Variants in ATP9B observed in about 807,000 individuals in gnomAD.
ATP9B encodes probable phospholipid-transporting ATPase IIB.
A neutral mutation model predicts 146.1 loss-of-function variants in ATP9B; 110 were observed. The ratio of observed to expected loss-of-function variants is 0.75; its 90% CI spans 0.65 to 0.88. ATP9B has a LOEUF of 0.88. ATP9B is among the 40% of genes least tolerant of loss of function. The pLI is 0.00. For missense variants in ATP9B, 1,499 were observed against 1,496.4 expected (o/e 1.00, Z -0.03); for synonymous variants, 604 against 569.7 (o/e 1.06, Z -0.86).
intron 25 of ATP9B, among the ~76,000 whole-genome samples, chr18:79,348,883 C>G (rs2096907143): frequency 6.6e-6 from 1 of 152,236 alleles, no homozygotes; most frequent in Non-Finnish European, 1.5e-5. Flanking sequence ...ACTCAGGAGA[C>G]TGAGGCACGA....
intron 12 of ATP9B, among the ~76,000 whole-genome samples, chr18:79,264,351 T>C (rs550147201): frequency 5.9e-5 from 9 of 152,352 alleles, no homozygotes; most frequent in African/African-American, 2.2e-4. Context: ...TTTTCTCTTT[T>C]GTGAACTTTC....
chr18:79,161,179 A>G (rs2094875163), intron 7 of ATP9B, among the ~76,000 whole-genome samples: 1 of 148,688 alleles, frequency 6.7e-6, no homozygotes, highest in Non-Finnish European at 1.5e-5. Flanking sequence ...ACATGACTCA[A>G]ATGAGATAAT....
intron 7 of ATP9B, among the ~76,000 whole-genome samples, chr18:79,157,419 A>AAAAAAAAAAC (rs2094810423): frequency 1.3e-5 from 2 of 148,786 alleles, no homozygotes; most frequent in Non-Finnish European, 3.0e-5. Context: ...AAAAAAAAAA[A>AAAAAAAAAAC]AAAAACATGT....
chr18:79,341,192 A>G (rs1254582274), intron 19 of ATP9B, among the ~76,000 whole-genome samples: 3 of 150,070 alleles, frequency 2.0e-5, no homozygotes, highest in Non-Finnish European at 4.4e-5. Flanking sequence ...TTGTGGTTGG[A>G]TGTGTGTAGC....
chr18:79,334,601 A>C (rs1234893189), intron 17 of ATP9B, among the ~76,000 whole-genome samples: 1 of 151,680 alleles, frequency 6.6e-6, no homozygotes, highest in African/African-American at 2.4e-5. Flanking sequence ...TTGTCTCCTG[A>C]CAGCCCCGAC....
At chr18:79,192,650 A>G (rs2095379107) in intron 8 of ATP9B, among the ~76,000 whole-genome samples, 1 of 152,150 alleles carries the variant, frequency 6.6e-6, no homozygotes, top group African/African-American at 2.4e-5. Flanking sequence ...TTCCCATGTG[A>G]TTGTATAAGT....
chr18:79,238,560 T>C (rs2095862790), intron 11 of ATP9B, among the ~76,000 whole-genome samples: 1 of 152,062 alleles, frequency 6.6e-6, no homozygotes, highest in South Asian at 2.1e-4. Context: ...GCTCTTAAGG[T>C]GGTCATCGCG....
At position 79,347,674 on chromosome 18, in the gene ATP9B, C is replaced by G; in HGVS notation, c.2683-96C>G. The stretch of plus-strand genomic sequence containing the variant: ...CAAGTTCTGCAGAGAGAATTTCGGT[C>G]TTTGTAACATTTAGGCTGAGTTCTA... On this transcript the variant is annotated intron_variant, in intron 23 of 29. Coordinates refer to ENST00000426216, the MANE Select transcript of ATP9B (RefSeq NM_198531.5). 2.2e-6 allele frequency: 3 copies of G among 1,382,598 alleles called. No individual in the cohort carries two copies. The South Asian group carries it at 5.3e-5, about 24-fold the overall frequency. The allele number at this position is 1,382,598 out of a possible 1,614,324, so 85.6% of individuals were successfully genotyped here.
In ATP9B at chr18:79,239,513, G is replaced by A. The variant is rs144774335; in HGVS notation, c.1108-13868G>A. On this transcript the variant is annotated intron_variant, in intron 11 of 29. Transcript: ENST00000426216. This position sits in a 1 kb window ranked among gnomAD's most constrained non-coding sequence, Gnocchi z 5.1. ...CAGGGACGTAGGACGATGGTGTCAC[G>A]GCACTTAAAATTGTCTTCAGAGGAT... is the stretch of plus-strand genomic sequence containing the variant. Among the ~76,000 whole-genome samples the A allele has an allele frequency of 4.1e-3, 626 of 152,180 alleles. 4 individuals carry two copies. Among genetic ancestry groups the A allele is most frequent in the African/African-American group, 0.014 (580 of 41,518 alleles).
At position 79,121,639 on chromosome 18, in the gene ATP9B, A is replaced by G. The variant is rs116485883; in HGVS notation, c.559-4628A>G. Among the ~76,000 whole-genome samples, 729 of 152,300 alleles carry G rather than the reference A, an allele frequency of 4.8e-3. 5 individuals carry two copies. Among genetic ancestry groups the G allele is most frequent in the South Asian group, 0.024 (116 of 4,824 alleles). ...TGTCTTTTATGTTCCTAGGCTGGCC[A>G]TTGGGCATTTCCTTGGATAGATACG... On this transcript the variant is annotated intron_variant, in intron 4 of 29. Transcript: ENST00000426216.
chr18:79,337,430 T>C lies in ATP9B; in HGVS notation c.2264T>C (p.Leu755Pro), dbSNP rs776292689. ...GACGTGCGGCCCACGCTGGAGATGC[T>C]GCGCAACGCCGGGATCAAGGTACTG... ...QADVRPTLEMLRNAGIKIWML... is the reference protein window; with the variant it reads ...QADVRPTLEMPRNAGIKIWML... Residue 755 changes from leucine (L) to proline (P), a missense_variant, in exon 19 of 30, where the codon CTG (leucine) becomes CCG (proline). Transcript: ENST00000426216. The C allele has an allele frequency of 6.2e-7, 1 of 1,612,048 alleles. No individual in the cohort carries two copies. Among genetic ancestry groups the C allele is most frequent in the Non-Finnish European group, 8.5e-7 (1 of 1,179,834 alleles).
intron 11 of ATP9B, among the ~76,000 whole-genome samples, chr18:79,216,350 A>G (rs2095626999): frequency 6.6e-6 from 1 of 152,176 alleles, no homozygotes; most frequent in Admixed American, 6.5e-5. Flanking sequence ...GTCTGTGTCC[A>G]GGCCTTGGTG....
intron 2 of ATP9B, among the ~76,000 whole-genome samples, chr18:79,098,751 T>C (rs2075024382): frequency 6.6e-6 from 1 of 152,246 alleles, no homozygotes; most frequent in African/African-American, 2.4e-5. Context: ...CCCAGTAATG[T>C]CCTTTGTAGC....
chr18:79,190,691 G>A (rs1222624672), intron 8 of ATP9B, among the ~76,000 whole-genome samples: 2 of 152,136 alleles, frequency 1.3e-5, no homozygotes, highest in East Asian at 1.9e-4. Flanking sequence ...GACTACAGAC[G>A]TGCAGCAGCT....
intron 25 of ATP9B, among the ~76,000 whole-genome samples, chr18:79,351,496 G>T (rs2096922205): frequency 6.6e-6 from 1 of 152,166 alleles, no homozygotes; most frequent in Non-Finnish European, 1.5e-5. Context: ...TAAATAATGA[G>T]TTTGCCTTCA....
intron 11 of ATP9B, among the ~76,000 whole-genome samples, chr18:79,223,705 G>A (rs529387973): frequency 3.9e-5 from 6 of 152,174 alleles, no homozygotes; most frequent in Middle Eastern, 3.4e-3. Context: ...TTGCATACCC[G>A]GCACACTTTG....
chr18:79,220,600 C>T (rs2095668054), intron 11 of ATP9B, among the ~76,000 whole-genome samples: 1 of 151,886 alleles, frequency 6.6e-6, no homozygotes, highest in South Asian at 2.1e-4. Context: ...GACCCTGTCT[C>T]ATTAAGAAAA....
chr18:79,231,427 A>C (rs556552429), intron 11 of ATP9B, among the ~76,000 whole-genome samples: 1 of 152,348 alleles, frequency 6.6e-6, no homozygotes, highest in Admixed American at 6.5e-5. Flanking sequence ...GGGAAATGCA[A>C]ATCAAAACCA....
intron 15 of ATP9B, among the ~76,000 whole-genome samples, chr18:79,312,955 C>T (rs952327191): frequency 9.2e-5 from 14 of 152,172 alleles, no homozygotes; most frequent in Admixed American, 3.9e-4. Flanking sequence ...AATACAATGT[C>T]GTCATCGTAT....
Sources: gnomAD v4.1 joint callset for allele counts (sites outside exome capture counted in the v4.1 genomes callset) on GRCh38, gnomAD v4.1.1 for gene constraint, Gnocchi (gnomAD v3.1) non-coding constraint, MANE v1.5 for transcripts, NCBI Gene and HGNC (gene_info 2026-07-23, HGNC 2026-07-21) for gene names.